The following SUCLG2 variants were observed in gnomAD, a reference collection of about 807,000 sequenced individuals.
SUCLG2 encodes the protein succinate-CoA ligase GDP-forming subunit beta.
SUCLG2 carries 42 observed loss-of-function variants against 47.9 expected under a neutral mutation model. The ratio of observed to expected loss-of-function variants is 0.88; its 90% CI spans 0.69 to 1.14. The LOEUF (loss-of-function observed/expected upper bound fraction) is 1.14. Among genes scored for constraint, SUCLG2 ranks in the 50% most tolerant of loss-of-function variants. The probability of loss-of-function intolerance (pLI) is 0.00; values close to 1 mark genes in which losing one functional copy is unlikely to be tolerated. For synonymous variants in SUCLG2, 195 were observed against 197.3 expected, an observed-to-expected ratio of 0.99 and a Z score of 0.10; for missense variants, 571 against 525.9, an observed-to-expected ratio of 1.09 and a Z score of -0.84.
intron 9 of SUCLG2, among the ~76,000 whole-genome samples, chr3:67,407,353 T>G (rs941380351): frequency 1.3e-5 from 2 of 152,310 alleles, no homozygotes; most frequent in South Asian, 4.1e-4. Flanking sequence ...CTTTCTTTGT[T>G]GTGTTATTTT....
chr3:67,607,107 A>T (rs1341031578), intron 2 of SUCLG2, among the ~76,000 whole-genome samples: 1 of 152,226 alleles, frequency 6.6e-6, no homozygotes, highest in Admixed American at 6.5e-5. Flanking sequence ...TGAGTAGCAG[A>T]CGCACAACTC....
At chr3:67,420,557 C>T (rs1470357220) in intron 9 of SUCLG2, among the ~76,000 whole-genome samples, 1 of 152,168 alleles carries the variant, frequency 6.6e-6, no homozygotes, top group East Asian at 1.9e-4. Flanking sequence ...AAAGTCCATA[C>T]ACCACAAAGT....
In SUCLG2 at chr3:67,396,143, C is replaced by G. The variant is rs551439137; in HGVS notation, c.1183+4588G>C. Reference sequence around the variant, plus strand: ...AAACAAGAGCAAACACATTCAAAAGCTAGCAGAAGGCAGGAAATAACTAAA... The same window carrying G: ...AAACAAGAGCAAACACATTCAAAAGGTAGCAGAAGGCAGGAAATAACTAAA... On this transcript the variant is annotated intron_variant, in intron 10 of 10. Transcript: ENST00000307227. Among the ~76,000 whole-genome samples the G allele has an allele frequency of 4.9e-3, 748 of 152,154 alleles. 24 individuals carry two copies. The highest frequency in any genetic ancestry group is 0.041 in the Admixed American group (621 of 15,290).
chr3:67,543,841 TA>T (rs5849765), intron 2 of SUCLG2, among the ~76,000 whole-genome samples: 40,260 of 152,118 alleles, frequency 0.26, 8,828 homozygotes, highest in African/African-American at 0.58. Flanking sequence ...TGTGGGCAGT[TA>T]ATTCATAGTA....
chr3:67,630,084 T>C (rs1002060826), intron 1 of SUCLG2, among the ~76,000 whole-genome samples: 1 of 152,092 alleles, frequency 6.6e-6, no homozygotes, highest in East Asian at 1.9e-4. Flanking sequence ...AAAAAACTTT[T>C]CAGAGAAATG....
chr3:67,512,671 T>A (rs562203437), intron 6 of SUCLG2, among the ~76,000 whole-genome samples: 2 of 151,190 alleles, frequency 1.3e-5, no homozygotes, highest in African/African-American at 4.9e-5. Context: ...CTCAACCATT[T>A]TTGTCTACAC....
At chr3:67,369,782 T>C (rs984385978), downstream of SUCLG2, among the ~76,000 whole-genome samples, 1 of 152,188 alleles carries the variant, frequency 6.6e-6, no homozygotes, top group Non-Finnish European at 1.5e-5. Context: ...TTCTGTCACA[T>C]AGATCAGCCC....
At chr3:67,408,850 T>C (rs1702873024) in intron 9 of SUCLG2, 1 of 1,427,418 alleles carries the variant, frequency 7.0e-7, no homozygotes, top group South Asian at 1.6e-5. Context: ...AAGATTTAAA[T>C]TAAGGCGGTC....
At chr3:67,591,779 C>A (rs889358721) in intron 2 of SUCLG2, among the ~76,000 whole-genome samples, 3 of 152,156 alleles carry the variant, frequency 2.0e-5, no homozygotes, top group African/African-American at 7.2e-5. Context: ...ATGGAGTACA[C>A]TAGTCACTGT....
chr3:67,422,205 G>C (rs1425641731), intron 9 of SUCLG2, among the ~76,000 whole-genome samples: 1 of 151,294 alleles, frequency 6.6e-6, no homozygotes, highest in Non-Finnish European at 1.5e-5. Flanking sequence ...TGGGCACAGT[G>C]GCTCATGCCT....
At chr3:67,619,017 TA>T (rs1219116033) in intron 1 of SUCLG2, among the ~76,000 whole-genome samples, 8 of 152,188 alleles carry the variant, frequency 5.3e-5, no homozygotes, top group African/African-American at 1.9e-4. Flanking sequence ...CCTCTAGCAG[TA>T]AAGCAAGCAG....
chr3:67,623,482 CAG>C (rs1446210938), intron 1 of SUCLG2, among the ~76,000 whole-genome samples: 1 of 151,952 alleles, frequency 6.6e-6, no homozygotes, highest in African/African-American at 2.4e-5. Context: ...GCCTGGATGA[CAG>C]AGTGAGACTC....
At position 67,454,589 on chromosome 3, in the gene SUCLG2, C is replaced by T. The variant is rs556637189; in HGVS notation, c.1062+41209G>A. Among the ~76,000 whole-genome samples, 8 of 152,206 alleles carry T rather than the reference C, an allele frequency of 5.3e-5. No homozygotes were observed. In the South Asian group the frequency reaches 1.5e-3, roughly 28 times the overall value. ...TGGATAGTTGTTGAAGCATTTCATA[C>T]TGAGTGGCCTACATCATGACACTTC... is the stretch of plus-strand genomic sequence containing the variant. On this transcript the variant is annotated intron_variant, in intron 9 of 10. Coordinates refer to ENST00000307227, the MANE Select transcript of SUCLG2 (RefSeq NM_003848.4).
intron 9 of SUCLG2, among the ~76,000 whole-genome samples, chr3:67,483,529 T>C (rs1046156137): frequency 2.6e-5 from 4 of 152,222 alleles, no homozygotes; most frequent in South Asian, 2.1e-4. Context: ...AGCAGATATA[T>C]TGCATAATTT....
chr3:67,510,185 C>A (rs911128252), intron 6 of SUCLG2, among the ~76,000 whole-genome samples: 1 of 152,122 alleles, frequency 6.6e-6, no homozygotes, highest in Non-Finnish European at 1.5e-5. Flanking sequence ...GCTCTTGCAG[C>A]GCCTATGAAA....
intron 9 of SUCLG2, among the ~76,000 whole-genome samples, chr3:67,427,042 T>A (rs958014048): frequency 2.0e-5 from 3 of 152,196 alleles, no homozygotes; most frequent in Admixed American, 6.5e-5. Flanking sequence ...TTCCTACCGA[T>A]TGGCCTTATA....
At chr3:67,429,362 G>A (rs13091292) in intron 9 of SUCLG2, among the ~76,000 whole-genome samples, 5,094 of 152,230 alleles carry the variant, frequency 0.033, 115 homozygotes, top group African/African-American at 0.057. Flanking sequence ...AGCTTCATAA[G>A]TGAAAGAGAA....
intron 2 of SUCLG2, among the ~76,000 whole-genome samples, chr3:67,550,160 C>G (rs944442733): frequency 6.6e-6 from 1 of 152,206 alleles, no homozygotes; most frequent in Non-Finnish European, 1.5e-5. Context: ...CCAGAATTAG[C>G]TGACCTGCTC....
chr3:67,584,551 T>C (rs1451631447), intron 2 of SUCLG2, among the ~76,000 whole-genome samples: 1 of 152,198 alleles, frequency 6.6e-6, no homozygotes, highest in Non-Finnish European at 1.5e-5. Context: ...TTCATTCATG[T>C]TGTTGAATGT....
Sources: gnomAD v4.1 joint callset for allele counts (sites outside exome capture counted in the v4.1 genomes callset) on GRCh38, gnomAD v4.1.1 for gene constraint, MANE v1.5 for transcripts, NCBI Gene and HGNC (gene_info 2026-07-23, HGNC 2026-07-21) for gene names.